The following STX8 variants were observed in gnomAD, a reference collection of about 807,000 sequenced individuals.
STX8 encodes the protein syntaxin-8.
Under a neutral mutation model 37.5 loss-of-function variants are expected in STX8, and 23 were observed. The observed-to-expected ratio is 0.61, with a 90% CI of 0.44 to 0.87. The LOEUF (loss-of-function observed/expected upper bound fraction) is 0.87. Ranked by LOEUF, STX8 falls within the 40% of genes least tolerant of loss-of-function variation. The pLI, the probability that STX8 is intolerant of heterozygous loss-of-function variation, is 0.00. For missense variants in STX8, 313 were observed against 284.7 expected (o/e 1.10, Z -0.71); for synonymous variants, 115 against 99.1 (o/e 1.16, Z -0.95).
Position 9,357,078 on chromosome 17 carries a change from C to T in STX8, c.643+21474G>A, listed in dbSNP as rs537582783. Among the ~76,000 whole-genome samples the T allele has an allele frequency of 2.0e-5, 3 of 149,302 alleles. No individual in the cohort carries two copies. The South Asian group carries it at 6.5e-4, about 32-fold the overall frequency. On this transcript the variant is annotated intron_variant, in intron 7 of 7. Coordinates refer to ENST00000306357, the MANE Select transcript of STX8 (RefSeq NM_004853.3). ...CGCCTCCCAGGTTCAAGCAATTCTC[C>T]TGCCTCAGCCTCCTGAGTAGCTGGG... is the stretch of plus-strand genomic sequence containing the variant.
chr17:9,506,330 T>C (rs959339043), intron 4 of STX8, among the ~76,000 whole-genome samples: 5 of 148,116 alleles, frequency 3.4e-5, no homozygotes, highest in South Asian at 4.2e-4. Context: ...CTCAACAGAT[T>C]CATGAAAAAT....
At chr17:9,454,268 G>A (rs1905123971) in intron 6 of STX8, among the ~76,000 whole-genome samples, 1 of 152,176 alleles carries the variant, frequency 6.6e-6, no homozygotes, top group Admixed American at 6.5e-5. Context: ...TCGTAGGCCG[G>A]GAGCACGTAT....
chr17:9,328,375 G>A (rs1909847283), intron 7 of STX8, among the ~76,000 whole-genome samples: 1 of 152,044 alleles, frequency 6.6e-6, no homozygotes. Flanking sequence ...AGCCTTTGAG[G>A]CCCTTCCAAA....
At chr17:9,276,444 G>A (rs1907679488) in intron 7 of STX8, among the ~76,000 whole-genome samples, 1 of 152,052 alleles carries the variant, frequency 6.6e-6, no homozygotes, top group Non-Finnish European at 1.5e-5. Context: ...TGCTTTAAAC[G>A]AGGGACAGAT....
chr17:9,573,824 C>G (rs4791853), intron 1 of STX8, among the ~76,000 whole-genome samples: 107,010 of 151,920 alleles, frequency 0.7, 38,856 homozygotes, highest in East Asian at 0.98. Context: ...AGTTCTAATT[C>G]CTACTTCTAG....
intron 7 of STX8, among the ~76,000 whole-genome samples, chr17:9,341,889 T>C (rs1249915285): frequency 6.6e-6 from 1 of 151,986 alleles, no homozygotes; most frequent in African/African-American, 2.4e-5. Flanking sequence ...GAGGTTTCCA[T>C]AGGGGTAGAG....
At chr17:9,370,547 C>A (rs1472515139) in intron 7 of STX8, among the ~76,000 whole-genome samples, 1 of 152,168 alleles carries the variant, frequency 6.6e-6, no homozygotes, top group Non-Finnish European at 1.5e-5. Context: ...AAGGCAGATC[C>A]AATGGTCGTC....
chr17:9,529,224 T>A (rs1417096050), intron 4 of STX8, among the ~76,000 whole-genome samples: 1 of 151,094 alleles, frequency 6.6e-6, no homozygotes, highest in African/African-American at 2.4e-5. Context: ...CTCCATCTTG[T>A]GGTCTGTTCA....
intron 6 of STX8, among the ~76,000 whole-genome samples, chr17:9,387,327 G>A (rs181359677): frequency 4.1e-4 from 62 of 150,706 alleles, no homozygotes; most frequent in African/African-American, 1.1e-3. Context: ...GGAGTCTTGC[G>A]CTCTGTCACT....
intron 7 of STX8, among the ~76,000 whole-genome samples, chr17:9,352,850 C>T (rs897322595): frequency 6.6e-6 from 1 of 151,868 alleles, no homozygotes; most frequent in African/African-American, 2.4e-5. Flanking sequence ...ATCTATAATC[C>T]ATTAACATTG....
intron 6 of STX8, among the ~76,000 whole-genome samples, chr17:9,414,088 AT>A: frequency 1.6e-5 from 1 of 63,844 alleles, no homozygotes; most frequent in South Asian, 8.4e-4. Context: ...CTGTCCATCC[AT>A]CCATCCATCC....
intron 4 of STX8, among the ~76,000 whole-genome samples, chr17:9,505,896 G>A (rs1228524871): frequency 6.7e-6 from 1 of 148,338 alleles, no homozygotes; most frequent in Non-Finnish European, 1.5e-5. Flanking sequence ...GAGCCAAGAT[G>A]GCGCCACTGC....
chr17:9,361,446 C>A (rs747457223), intron 7 of STX8, among the ~76,000 whole-genome samples: 1 of 152,172 alleles, frequency 6.6e-6, no homozygotes, highest in Non-Finnish European at 1.5e-5. Context: ...GGACTGCAGG[C>A]GTTGCTTTGC....
intron 3 of STX8, chr17:9,556,759 A>G (rs1597741343): frequency 1.9e-4 from 1 of 5,352 alleles, no homozygotes; most frequent in Admixed American, 3.3e-3. Context: ...AAATATATAT[A>G]TATATATATA....
chr17:9,256,370 CTCT>C (rs1022425423), intron 7 of STX8, among the ~76,000 whole-genome samples: 7 of 152,292 alleles, frequency 4.6e-5, no homozygotes, highest in African/African-American at 1.7e-4. Context: ...AGAGTTTCTT[CTCT>C]TTTCATCCTC....
chr17:9,288,546 C>A (rs929851282), intron 7 of STX8, among the ~76,000 whole-genome samples: 2 of 152,030 alleles, frequency 1.3e-5, no homozygotes, highest in Non-Finnish European at 2.9e-5. Flanking sequence ...CCTGTAGTCC[C>A]AGCTACTCGG....
chr17:9,348,154 G>A (rs527751084), intron 7 of STX8, among the ~76,000 whole-genome samples: 8 of 152,036 alleles, frequency 5.3e-5, no homozygotes, highest in Non-Finnish European at 8.8e-5. Flanking sequence ...TGCTGGGCGC[G>A]GTGGCTCACA....
intron 7 of STX8, among the ~76,000 whole-genome samples, chr17:9,292,706 G>A (rs1908358146): frequency 6.6e-6 from 1 of 152,184 alleles, no homozygotes; most frequent in South Asian, 2.1e-4. Flanking sequence ...CCTGGCCCTG[G>A]CTTACTAGGG....
chr17:9,522,693 AAGAGCG>A lies in STX8; in HGVS notation c.324-17537_324-17532del, dbSNP rs202014582. On this transcript the variant is annotated intron_variant, in intron 4 of 7. Transcript: ENST00000306357. ...CGCCACTGCACTCCAGCCTGGGCGA[AAGAGCG>A]AGACTCCATCTCAAAAAAAAAAAGT... Among the ~76,000 whole-genome samples the A allele has an allele frequency of 2.6e-5, 4 of 151,132 alleles. No homozygotes were observed. The East Asian group carries it at 7.9e-4, about 30-fold the overall frequency.
Sources: allele counts gnomAD v4.1 joint callset (sites outside exome capture counted in the v4.1 genomes callset), GRCh38; gene constraint gnomAD v4.1.1; transcripts MANE v1.5; gene names NCBI Gene and HGNC (gene_info 2026-07-23, HGNC 2026-07-21).